AFDN: variants seen among roughly 807,000 people sequenced by gnomAD.
AFDN encodes the protein afadin, adherens junction formation factor, also known as afadin.
A neutral mutation model predicts 216.6 loss-of-function variants in AFDN; 68 were observed. That is an observed-to-expected ratio of 0.31 (90% confidence interval 0.26 to 0.38). AFDN has a LOEUF of 0.38. Among genes scored for constraint, AFDN ranks in the 10% least tolerant of loss-of-function variants. The pLI is 1.00. For synonymous variants in AFDN, 868 were observed against 853.7 expected (o/e 1.02, Z -0.29); for missense variants, 2,136 against 2,342.0 (o/e 0.91, Z 1.82).
At chr6:167,886,448 T>C (rs1392983025) in intron 6 of AFDN, among the ~76,000 whole-genome samples, 2 of 152,192 alleles carry the variant, frequency 1.3e-5, no homozygotes, top group African/African-American at 4.8e-5. Context: ...AAGGTAATTG[T>C]ACATTCTCTC....
intron 6 of AFDN, among the ~76,000 whole-genome samples, chr6:167,886,258 C>G (rs1786793066): frequency 6.6e-6 from 1 of 151,578 alleles, no homozygotes; most frequent in South Asian, 2.1e-4. Flanking sequence ...ATTTCTTTGG[C>G]CTTTAGTAGG....
At chr6:167,934,846 C>T (rs1010167454) in intron 23 of AFDN, among the ~76,000 whole-genome samples, 3 of 152,180 alleles carry the variant, frequency 2.0e-5, no homozygotes, top group South Asian at 2.1e-4. Flanking sequence ...GGGGAGACTA[C>T]CTACACTTCT....
intron 19 of AFDN, 85 bp downstream of exon 19, chr6:167,915,518 A>C (rs1256982823): frequency 4.8e-6 from 7 of 1,466,916 alleles, no homozygotes; most frequent in Non-Finnish European, 6.4e-6. Flanking sequence ...TCAATGCAGC[A>C]AAACCTCAAT....
At chr6:167,923,006 T>C in intron 22 of AFDN, 47 bp downstream of exon 22, 1 of 1,293,762 alleles carries the variant, frequency 7.7e-7, no homozygotes, top group Non-Finnish European at 1.1e-6. Flanking sequence ...CCTTAGGACT[T>C]GAAGATGTGA....
At position 167,876,105 on chromosome 6, in the gene AFDN, T is replaced by C. The variant is rs1223632317; in HGVS notation, c.739+610T>C. Among the ~76,000 whole-genome samples, 8 of 152,314 alleles carry C rather than the reference T, an allele frequency of 5.3e-5. No homozygotes were observed. In the East Asian group the frequency reaches 1.5e-3, roughly 29 times the overall value. ...CACATTGAATGCATGGTCACTTGCTTCTGCATCCATCGCAGACACTGCTCA... is the reference window on the plus strand; with the variant it reads ...CACATTGAATGCATGGTCACTTGCTCCTGCATCCATCGCAGACACTGCTCA... On this transcript the variant is annotated intron_variant, in intron 5 of 33. Coordinates refer to ENST00000683244, the MANE Select transcript of AFDN (RefSeq NM_001386888.1).
intron 31 of AFDN, chr6:167,963,088 C>A: frequency 9.4e-7 from 1 of 1,068,082 alleles, no homozygotes; most frequent in Non-Finnish European, 1.1e-6. Context: ...AGTATGTAAT[C>A]CAGTAAATAT....
In AFDN at chr6:167,965,967, C is replaced by T; in HGVS notation, c.5179C>T (p.Leu1727Phe). The T allele has an allele frequency of 5.2e-6, 8 of 1,551,220 alleles. No homozygotes were observed. The highest frequency in any genetic ancestry group is 7.0e-6 in the Non-Finnish European group (8 of 1,146,952). Residue 1727 changes from leucine (L) to phenylalanine (F), a missense_variant, in exon 32 of 34, where the codon CTC (leucine) becomes TTC (phenylalanine). Transcript: ENST00000683244. Reference sequence around the variant, plus strand: ...CGCCTCCTACCTCAAAACACAGGTCCTCTCCCCCGACTCGCTGTTCACTGC... The same window carrying T: ...CGCCTCCTACCTCAAAACACAGGTCTTCTCCCCCGACTCGCTGTTCACTGC... ...RNASYLKTQVLSPDSLFTAKF... is the reference protein window; with the variant it reads ...RNASYLKTQVFSPDSLFTAKF...
intron 27 of AFDN, among the ~76,000 whole-genome samples, chr6:167,947,147 T>G (rs1263480099): frequency 6.6e-6 from 1 of 151,806 alleles, no homozygotes; most frequent in Non-Finnish European, 1.5e-5. Flanking sequence ...GTTGGTAAAT[T>G]ACCAAGAGAA....
chr6:167,944,126 C>A (rs1395280697), intron 26 of AFDN, 67 bp downstream of exon 26: 1 of 1,240,756 alleles, frequency 8.1e-7, no homozygotes, highest in African/African-American at 1.5e-5. Context: ...ACAAAACCCC[C>A]ATGGAGGAGG....
At chr6:167,950,392 CTG>C (rs201112836) in intron 29 of AFDN, among the ~76,000 whole-genome samples, 1 of 139,266 alleles carries the variant, frequency 7.2e-6, no homozygotes, top group Admixed American at 7.2e-5. Flanking sequence ...TCATTTTTCT[CTG>C]TGTCTGTGTG....
intron 21 of AFDN, among the ~76,000 whole-genome samples, chr6:167,922,056 T>C (rs1261790839): frequency 1.3e-5 from 2 of 152,176 alleles, no homozygotes; most frequent in African/African-American, 2.4e-5. Context: ...CACAGGACGC[T>C]CTTGATGAAT....
intron 2 of AFDN, among the ~76,000 whole-genome samples, chr6:167,868,084 AC>A (rs1382258174): frequency 6.6e-6 from 1 of 152,044 alleles, no homozygotes; most frequent in Admixed American, 6.6e-5. Context: ...TCAAGGGCTG[AC>A]CTGGTCATAT....
chr6:167,948,272 T>C (rs1795563858), intron 28 of AFDN, 21 bp from the exon 29 acceptor site: 3 of 1,583,454 alleles, frequency 1.9e-6, no homozygotes, highest in Non-Finnish European at 2.6e-6. Flanking sequence ...GCTCACTTTT[T>C]TTGTTCTTCA....
intron 23 of AFDN, among the ~76,000 whole-genome samples, chr6:167,937,557 T>G (rs1253055290): frequency 6.7e-6 from 1 of 149,510 alleles, no homozygotes; most frequent in Non-Finnish European, 1.5e-5. Context: ...TGAATGCTTA[T>G]TTCCTTAAAT....
At chr6:167,968,253 G>A (rs1052531075) in intron 32 of AFDN, among the ~76,000 whole-genome samples, 7 of 152,208 alleles carry the variant, frequency 4.6e-5, no homozygotes, top group East Asian at 1.9e-4. Context: ...GTAAGGTGGA[G>A]ATGTGTTTCT....
intron 30 of AFDN, among the ~76,000 whole-genome samples, chr6:167,952,876 T>C (rs576418982): frequency 3.9e-5 from 6 of 152,366 alleles, no homozygotes; most frequent in East Asian, 1.9e-4. Flanking sequence ...CATAAAGATA[T>C]TGAGAACTGA....
At chr6:167,873,031 G>C (rs1253676721) in intron 4 of AFDN, among the ~76,000 whole-genome samples, 1 of 152,136 alleles carries the variant, frequency 6.6e-6, no homozygotes, top group African/African-American at 2.4e-5. Flanking sequence ...AGCAGTTTTT[G>C]GTTTTTTAGT....
intron 30 of AFDN, among the ~76,000 whole-genome samples, chr6:167,958,854 C>A (rs1293482689): frequency 3.9e-5 from 6 of 152,208 alleles, no homozygotes; most frequent in African/African-American, 1.4e-4. Context: ...TCAGAGAAAT[C>A]TATCTGGGGG....
Position 167,870,512 on chromosome 6 carries a change from G to C in AFDN, c.414+14G>C. The C allele has an allele frequency of 1.3e-6, 2 of 1,540,506 alleles. No homozygotes were observed. Among genetic ancestry groups the C allele is most frequent in the East Asian group, 2.3e-5 (1 of 44,030 alleles). ...ATTCCTCCTAAGGTAGGAACCCTCA[G>C]TATTTTATGACGGTCTTGGTCCAGG... On this transcript the variant is annotated intron_variant, in intron 3 of 33. Coordinates refer to ENST00000683244, the MANE Select transcript of AFDN (RefSeq NM_001386888.1).
Sources: allele counts gnomAD v4.1 joint callset (sites outside exome capture counted in the v4.1 genomes callset), GRCh38; gene constraint gnomAD v4.1.1; transcripts MANE v1.5; gene names NCBI Gene and HGNC (gene_info 2026-07-23, HGNC 2026-07-21).